Variants in GUK1 observed in about 807,000 individuals in gnomAD.
GUK1 encodes the protein guanylate kinase.
In GUK1, 18 loss-of-function variants were observed where a neutral mutation model predicts 25.2. The ratio of observed to expected loss-of-function variants is 0.71; its 90% CI spans 0.49 to 1.06. GUK1 has a LOEUF of 1.06. Among genes scored for constraint, GUK1 ranks in the 50% least tolerant of loss-of-function variants. GUK1 has a pLI of 0.00. For missense variants in GUK1, 261 were observed against 276.7 expected, an observed-to-expected ratio of 0.94 and a Z score of 0.40; for synonymous variants, 105 against 117.6, an observed-to-expected ratio of 0.89 and a Z score of 0.69.
intron 2 of GUK1, chr1:228,141,537 G>A (rs1193509573): frequency 2.9e-6 from 2 of 693,310 alleles, no homozygotes; most frequent in South Asian, 7.4e-5. Flanking sequence ...CCAGGCGGGG[G>A]CTGAATTCTC....
At chr1:228,145,813 TC>T (rs2034337100) in intron 3 of GUK1, 189 bp downstream of exon 2, 2 of 741,094 alleles carry the variant, frequency 2.7e-6, no homozygotes, top group Non-Finnish European at 4.5e-6. Flanking sequence ...TGCCTGTGTC[TC>T]CCTTCCCTGG....
At chr1:228,141,793 C>G in intron 2 of GUK1, 1 of 1,259,550 alleles carries the variant, frequency 7.9e-7, no homozygotes, top group Non-Finnish European at 1.0e-6. Flanking sequence ...GGAGACCTTC[C>G]ATCTCGGAGC....
chr1:228,146,920 G>A lies in GUK1; in HGVS notation c.233G>A (p.Gly78Glu). The A allele has an allele frequency of 6.2e-7, 1 of 1,613,252 alleles. No individual in the cohort carries two copies. The highest frequency in any genetic ancestry group is 8.5e-7 in the Non-Finnish European group (1 of 1,179,246). ...TTCATCGAGCATGCCGAGTTCTCGG[G>A]GAACCTGTATGGCACGAGGTGGGCC... Residue 78 changes from glycine (G) to glutamate (E), a missense_variant, in exon 5 of 9, where the codon GGG becomes GAG. Transcript: ENST00000312726.
intron 7 of GUK1, chr1:228,148,139 C>A: frequency 1.6e-6 from 1 of 635,102 alleles, no homozygotes; most frequent in South Asian, 1.7e-5. Flanking sequence ...CTGATGGGTG[C>A]TGGTGTCCAG....
At chr1:228,146,306 C>T (rs1342906264) in intron 4 of GUK1, 3 of 553,828 alleles carry the variant, frequency 5.4e-6, no homozygotes, top group East Asian at 5.8e-5. Context: ...CTTCCTCCCA[C>T]CTTGGAGGCG....
intron 2 of GUK1, chr1:228,144,803 G>A: frequency 1.2e-6 from 1 of 810,800 alleles, no homozygotes; most frequent in Admixed American, 6.2e-5. Context: ...CCAGCTCCCG[G>A]GCCCTCACCT....
chr1:228,145,710 C>A, intron 3 of GUK1, 86 bp downstream of exon 2: 3 of 1,487,628 alleles, frequency 2.0e-6, no homozygotes, highest in South Asian at 1.3e-5. Flanking sequence ...GGAGCCCAAA[C>A]CCAACAGGCA....
intron 8 of GUK1, 29 bp from the exon 8 acceptor site, chr1:228,148,636 T>C (rs1251159913): frequency 6.3e-7 from 1 of 1,578,950 alleles, no homozygotes; most frequent in East Asian, 2.3e-5. Context: ...ATACCAGCCC[T>C]CCCAACTCCC....
Position 228,148,431 on chromosome 1 carries a change from C to T in GUK1, c.536C>T (p.Ala179Val). ...AACGACAGCCTGGACCAGGCCTACG[C>T]AGAGCTGAAGGAGGCGCTCTCTGAG... The change falls in exon 8 of 9, where the codon GCA (alanine) becomes GTA (valine). Residue 179 changes from alanine (A) to valine (V), a missense_variant. By Grantham distance (64) the Ala-to-Val change is moderately conservative. Transcript: ENST00000312726. 1 of 1,573,038 alleles carries T rather than the reference C, an allele frequency of 6.4e-7. No individual in the cohort carries two copies. Among genetic ancestry groups the T allele is most frequent in the Non-Finnish European group, 8.6e-7 (1 of 1,157,100 alleles).
chr1:228,147,682 A>C lies in GUK1; in HGVS notation c.458A>C (p.Gln153Pro). The C allele has an allele frequency of 1.9e-6, 3 of 1,612,848 alleles. No homozygotes were observed. Among genetic ancestry groups the C allele is most frequent in the Non-Finnish European group, 2.5e-6 (3 of 1,179,934 alleles). Residue 153 changes from glutamine (Q) to proline (P), a missense_variant, in exon 7 of 9, where the codon CAG becomes CCG. Coordinates refer to ENST00000312726, the MANE Select transcript of GUK1 (RefSeq NM_000858.7). ...CTGGTGAAGCGGCTGGCTGCTGCCCAGGCCGACATGGAGAGCAGTGAGTGT... is the reference window on the plus strand; with the variant it reads ...CTGGTGAAGCGGCTGGCTGCTGCCCCGGCCGACATGGAGAGCAGTGAGTGT...
intron 2 of GUK1, among the ~76,000 whole-genome samples, chr1:228,143,306 G>A (rs531503318): frequency 6.6e-6 from 1 of 152,226 alleles, no homozygotes; most frequent in Non-Finnish European, 1.5e-5. Context: ...CAGCTCAGTG[G>A]AGCAACAGGA....
rs146725528 is a variant in GUK1, at chr1:228,148,429, C to T, written c.534C>T (p.Tyr178=). 1,557 of 1,572,656 alleles carry T rather than the reference C, an allele frequency of 9.9e-4. 10 individuals are homozygous for T. Among genetic ancestry groups the T allele is most frequent in the Middle Eastern group, 4.8e-3 (28 of 5,886 alleles). Residue 178 remains tyrosine (Y), a synonymous_variant, in exon 8 of 9, where the codon TAC becomes TAT. Transcript: ENST00000312726. ...TTAACGACAGCCTGGACCAGGCCTA[C>T]GCAGAGCTGAAGGAGGCGCTCTCTG...
At chr1:228,148,255 G>C in intron 7 of GUK1, 116 bp from the exon 7 acceptor site, 1 of 803,602 alleles carries the variant, frequency 1.2e-6, no homozygotes, top group Non-Finnish European at 2.2e-6. Context: ...CTGGAAAGCT[G>C]TCCCACAGCC....
Position 228,140,325 on chromosome 1 carries a change from G to T in GUK1, c.-206G>T, listed in dbSNP as rs1430090406. ...CGGATGCTGCGGCGCCCGCTGGCCG[G>T]GCTGGCTGCGGCCGCCCTGGGCCGG... On this transcript the variant is annotated 5_prime_UTR_variant, in exon 1 of 9. Transcript: ENST00000312726. 27 of 1,528,374 alleles carry T rather than the reference G, an allele frequency of 1.8e-5. No homozygotes were observed. The highest frequency in any genetic ancestry group is 2.4e-5 in the Non-Finnish European group (27 of 1,144,330). The allele number at this position is 1,528,374 out of a possible 1,614,324, so 94.7% of individuals were successfully genotyped here.
At chr1:228,147,280 T>G (rs2034433575) in intron 5 of GUK1, 126 bp from the exon 5 acceptor site, 2 of 912,136 alleles carry the variant, frequency 2.2e-6, no homozygotes, top group Non-Finnish European at 3.3e-6. Flanking sequence ...GGGTGCTGGG[T>G]CCAGGCCAGG....
intron 2 of GUK1, among the ~76,000 whole-genome samples, chr1:228,143,338 G>A (rs2034165141): frequency 6.6e-6 from 1 of 152,214 alleles, no homozygotes; most frequent in African/African-American, 2.4e-5. Flanking sequence ...ATGGGGTCCA[G>A]CCCACAGGAC....
Position 228,148,435 on chromosome 1 carries a change from G to A in GUK1, c.540G>A (p.Glu180=). Residue 180 remains glutamate (E), a synonymous_variant, in exon 8 of 9, where the codon GAG becomes GAA. Coordinates refer to ENST00000312726, the MANE Select transcript of GUK1 (RefSeq NM_000858.7). ...ACAGCCTGGACCAGGCCTACGCAGA[G>A]CTGAAGGAGGCGCTCTCTGAGGTGG... 1.3e-6 allele frequency: 2 copies of A among 1,572,990 alleles called. No individual in the cohort carries two copies. Among genetic ancestry groups the A allele is most frequent in the Non-Finnish European group, 1.7e-6 (2 of 1,157,522 alleles).
rs1332942118 is a variant in GUK1, at chr1:228,141,238, C to T, written c.-53C>T. On this transcript the variant is annotated 5_prime_UTR_variant, in exon 2 of 9. Coordinates refer to ENST00000312726, the MANE Select transcript of GUK1 (RefSeq NM_000858.7). ...CATAGCCGCGCAGCATCGTGAAGGG[C>T]TGGGGCCTTCACTCCTCTGTGGCTC... The T allele has an allele frequency of 1.1e-5, 11 of 984,978 alleles. No homozygotes were observed. The East Asian group carries it at 1.1e-3, about 102-fold the overall frequency. 61.0% of individuals were successfully genotyped at this position (984,978 alleles called of 1,614,324 possible).
At chr1:228,145,650 G>T in intron 3 of GUK1, 26 bp downstream of exon 2, 2 of 1,607,406 alleles carry the variant, frequency 1.2e-6, no homozygotes, top group African/African-American at 1.3e-5. Context: ...TCGTGGAGGG[G>T]TGCGTAGACC....
Sources: allele counts gnomAD v4.1 joint callset (sites outside exome capture counted in the v4.1 genomes callset), GRCh38; gene constraint gnomAD v4.1.1; transcripts MANE v1.5; gene names NCBI Gene and HGNC (gene_info 2026-07-23, HGNC 2026-07-21).